The following MAF variants were observed in gnomAD, a reference collection of about 807,000 sequenced individuals.
MAF encodes the protein transcription factor Maf.
A neutral mutation model predicts 22.0 loss-of-function variants in MAF; 10 were observed. The ratio of observed to expected loss-of-function variants is 0.45; its 90% confidence interval spans 0.28 to 0.77. The LOEUF is 0.77. Ranked by LOEUF, MAF falls within the 30% of genes least tolerant of loss-of-function variation. The pLI is 0.12. For missense variants in MAF, 544 were observed against 548.4 expected (o/e 0.99, Z 0.08); for synonymous variants, 337 against 255.8 (o/e 1.32, Z -3.03).
chr16:79,423,034 G>T, the MAF span, among the ~76,000 whole-genome samples: 5 of 152,248 alleles, frequency 3.3e-5, no homozygotes, highest in East Asian at 9.7e-4. Flanking sequence ...GTGATGAAAA[G>T]CAAGAAGCAG....
chr16:79,383,206 C>A, the MAF span, among the ~76,000 whole-genome samples: 1 of 152,052 alleles, frequency 6.6e-6, no homozygotes, highest in African/African-American at 2.4e-5. Context: ...TAAACTCCAA[C>A]TGAAACCCTG....
At chr16:79,544,843 C>T in the MAF span, among the ~76,000 whole-genome samples, 1 of 151,686 alleles carries the variant, frequency 6.6e-6, no homozygotes, top group East Asian at 1.9e-4. Context: ...ATTGATATGG[C>T]ACCTTACTTA....
chr16:79,467,940 G>A, the MAF span, among the ~76,000 whole-genome samples: 4 of 151,970 alleles, frequency 2.6e-5, no homozygotes, highest in African/African-American at 7.2e-5. Context: ...TGGTGGTCGT[G>A]GGGGGGTGGT....
chr16:79,517,373 T>G, the MAF span, among the ~76,000 whole-genome samples: 3 of 152,268 alleles, frequency 2.0e-5, no homozygotes, highest in Non-Finnish European at 2.9e-5. Flanking sequence ...GTCATTGTGC[T>G]GTTTCACTTA....
chr16:79,529,038 G>C, the MAF span, among the ~76,000 whole-genome samples: 1 of 152,172 alleles, frequency 6.6e-6, no homozygotes, highest in Non-Finnish European at 1.5e-5. Flanking sequence ...TTCTACTTTT[G>C]TTCTTATCTG....
the MAF span, among the ~76,000 whole-genome samples, chr16:79,508,847 T>C: frequency 6.6e-6 from 1 of 152,208 alleles, no homozygotes; most frequent in Admixed American, 6.5e-5. Flanking sequence ...GATTAACAGT[T>C]CCCAAGGCTC....
the MAF span, among the ~76,000 whole-genome samples, chr16:79,366,029 CT>C: frequency 3.3e-5 from 5 of 152,136 alleles, no homozygotes; most frequent in African/African-American, 1.2e-4. Context: ...TTGAGACTGC[CT>C]TTTTGTCTTG....
chr16:79,592,370 G>A (rs1388938323), downstream of MAF, among the ~76,000 whole-genome samples: 1 of 152,190 alleles, frequency 6.6e-6, no homozygotes, highest in African/African-American at 2.4e-5. Flanking sequence ...ACAGAGCTGG[G>A]TTTGTTCAGG....
At chr16:79,469,419 T>G in the MAF span, among the ~76,000 whole-genome samples, 1 of 152,280 alleles carries the variant, frequency 6.6e-6, no homozygotes, top group South Asian at 2.1e-4. Context: ...ATTACCTGGG[T>G]GGCTTTAAGC....
At chr16:79,496,372 G>A in the MAF span, among the ~76,000 whole-genome samples, 1 of 152,202 alleles carries the variant, frequency 6.6e-6, no homozygotes, top group Admixed American at 6.5e-5. Context: ...TTTCAGAGTA[G>A]GGTGAGGTTT....
At chr16:79,273,206 C>G in the MAF span, among the ~76,000 whole-genome samples, 2 of 152,050 alleles carry the variant, frequency 1.3e-5, no homozygotes, top group Non-Finnish European at 2.9e-5. Flanking sequence ...AGGGAACCTC[C>G]TCTGGCCCCA....
chr16:79,301,964 C>T, the MAF span, among the ~76,000 whole-genome samples: 6 of 152,244 alleles, frequency 3.9e-5, no homozygotes, highest in East Asian at 1.9e-4. Flanking sequence ...CACAAGGGTG[C>T]GTCCTATGCC....
chr16:79,407,816 C>T, the MAF span, among the ~76,000 whole-genome samples: 2 of 152,066 alleles, frequency 1.3e-5, no homozygotes, highest in Admixed American at 6.5e-5. Context: ...CCAGGTTGCT[C>T]GCGGCTTCGT....
At chr16:79,517,364 T>C in the MAF span, among the ~76,000 whole-genome samples, 3 of 152,236 alleles carry the variant, frequency 2.0e-5, no homozygotes, top group Admixed American at 1.3e-4. Flanking sequence ...ACACACTTTG[T>C]CATTGTGCTG....
chr16:79,219,854 G>A, the MAF span, among the ~76,000 whole-genome samples: 1 of 152,132 alleles, frequency 6.6e-6, no homozygotes, highest in African/African-American at 2.4e-5. Context: ...TTACCTGAAT[G>A]TGGCTTTATG....
the MAF span, among the ~76,000 whole-genome samples, chr16:79,292,794 A>T: frequency 2.6e-5 from 4 of 152,214 alleles, no homozygotes; most frequent in African/African-American, 9.6e-5. Context: ...GATGGCGATG[A>T]TAGTAACCTC....
chr16:79,232,037 G>A, the MAF span, among the ~76,000 whole-genome samples: 2 of 151,840 alleles, frequency 1.3e-5, no homozygotes, highest in South Asian at 2.1e-4. Context: ...TAATGCCACC[G>A]CTGATAGGAC....
the MAF span, among the ~76,000 whole-genome samples, chr16:79,454,662 C>T: frequency 6.6e-6 from 1 of 152,176 alleles, no homozygotes; most frequent in South Asian, 2.1e-4. Context: ...GGCCAGATCC[C>T]TACACACCTG....
chr16:79,587,174 C>G lies in MAF; in HGVS notation c.1119-1233G>C, dbSNP rs138313084. Among the ~76,000 whole-genome samples the G allele has an allele frequency of 6.3e-3, 965 of 152,258 alleles. 10 individuals are homozygous for G. Among genetic ancestry groups the G allele is most frequent in the African/African-American group, 0.022 (896 of 41,534 alleles). On this transcript the variant is annotated intron_variant, in intron 1 of 1. Coordinates refer to the MAF transcript ENST00000569649. The stretch of plus-strand genomic sequence containing the variant: ...TACCCTTGTATCTGTCAAAGTTGCC[C>G]TAAACACGTTATATGCGTTTATTCA...
Sources: gnomAD v4.1 joint callset for allele counts (sites outside exome capture counted in the v4.1 genomes callset) on GRCh38, gnomAD v4.1.1 for gene constraint, MANE v1.5 for transcripts, NCBI Gene and HGNC (gene_info 2026-07-23, HGNC 2026-07-21) for gene names.